The following SH3RF2 variants were observed in gnomAD, a reference collection of about 807,000 sequenced individuals.
SH3RF2 encodes E3 ubiquitin-protein ligase SH3RF2.
Under a neutral mutation model 59.0 loss-of-function variants are expected in SH3RF2, and 43 were observed. The ratio of observed to expected loss-of-function variants is 0.73; its 90% CI spans 0.57 to 0.94. The LOEUF (loss-of-function observed/expected upper bound fraction) is 0.94. Among genes scored for constraint, SH3RF2 ranks in the 40% least tolerant of loss-of-function variants. The pLI, the probability that SH3RF2 is intolerant of heterozygous loss-of-function variation, is 0.00. For missense variants in SH3RF2, 930 were observed against 940.1 expected (o/e 0.99, Z 0.14); for synonymous variants, 391 against 391.5 (o/e 1.00, Z 0.01).
At chr5:145,969,051 TCC>T (rs1450762357) in intron 2 of SH3RF2, among the ~76,000 whole-genome samples, 1 of 152,156 alleles carries the variant, frequency 6.6e-6, no homozygotes, top group Admixed American at 6.5e-5. Flanking sequence ...GCTTCTCAGG[TCC>T]CACCAGATAA....
intron 8 of SH3RF2, among the ~76,000 whole-genome samples, chr5:146,056,489 C>A (rs1762676538): frequency 6.6e-6 from 1 of 152,196 alleles, no homozygotes; most frequent in African/African-American, 2.4e-5. Flanking sequence ...AACGTGGACA[C>A]TGGCTCTTAT....
intron 2 of SH3RF2, among the ~76,000 whole-genome samples, chr5:145,963,302 A>G (rs1472311015): frequency 6.6e-6 from 1 of 152,074 alleles, no homozygotes; most frequent in Non-Finnish European, 1.5e-5. Flanking sequence ...ATAACTATAC[A>G]TTTATAGAGG....
At chr5:145,964,765 G>C (rs1476052062) in intron 2 of SH3RF2, among the ~76,000 whole-genome samples, 1 of 152,082 alleles carries the variant, frequency 6.6e-6, no homozygotes, top group Non-Finnish European at 1.5e-5. Context: ...ATCCACCACA[G>C]GGCTCCCTTT....
intron 5 of SH3RF2, among the ~76,000 whole-genome samples, chr5:146,032,551 G>A (rs1410724285): frequency 6.6e-6 from 1 of 152,132 alleles, no homozygotes; most frequent in Non-Finnish European, 1.5e-5. Context: ...TATTACATAG[G>A]AGGCAGCAAT....
chr5:146,056,205 T>A lies in SH3RF2; in HGVS notation c.1547T>A (p.Met516Lys). 1.9e-6 allele frequency: 3 copies of A among 1,614,062 alleles called. No individual in the cohort carries two copies. Among genetic ancestry groups the A allele is most frequent in the Non-Finnish European group, 2.5e-6 (3 of 1,180,004 alleles). Residue 516 changes from methionine (M) to lysine (K), a missense_variant, in exon 8 of 10, where the codon ATG becomes AAG. Coordinates refer to ENST00000359120, the MANE Select transcript of SH3RF2 (RefSeq NM_152550.4). The part of the protein sequence containing the change: ...QGSLRKGRSS[M>K]RKNGSLQRPL... ...TCTCTTCGGAAAGGGCGGAGCAGCA[T>A]GAGAAAGAGTAAGTGGTGGCAGAGA...
At chr5:145,995,657 G>C (rs1041223595) in intron 2 of SH3RF2, among the ~76,000 whole-genome samples, 1 of 152,082 alleles carries the variant, frequency 6.6e-6, no homozygotes, top group Non-Finnish European at 1.5e-5. Flanking sequence ...AAAAGTTAGA[G>C]AACACAGCTA....
rs1389190397 is a variant in SH3RF2, at chr5:146,058,872, A to T, written c.1556-994A>T. Among the ~76,000 whole-genome samples the T allele has an allele frequency of 1.1e-4, 8 of 73,060 alleles. No homozygotes were observed. In the South Asian group the frequency reaches 1.4e-3, roughly 13 times the overall value. The allele number at this position is 73,060 out of a possible 152,430, so 47.9% of individuals were successfully genotyped here. A position where few individuals can be genotyped will look rare whatever the true frequency, so the allele number is the denominator to read the frequency against. On this transcript the variant is annotated intron_variant, in intron 8 of 9. Coordinates refer to ENST00000359120, the MANE Select transcript of SH3RF2 (RefSeq NM_152550.4). ...TCCTGAGACAGGACCATCTCAATTT[A>T]AAAAAAAAAAAAAAAGGAAAAGAAA...
At chr5:146,019,981 A>G (rs1010178809) in intron 5 of SH3RF2, among the ~76,000 whole-genome samples, 8 of 152,154 alleles carry the variant, frequency 5.3e-5, no homozygotes, top group African/African-American at 1.7e-4. Flanking sequence ...TACTGAATTC[A>G]TTGATACATC....
intron 5 of SH3RF2, among the ~76,000 whole-genome samples, chr5:146,034,523 C>T (rs1761859072): frequency 6.6e-6 from 1 of 152,194 alleles, no homozygotes; most frequent in Non-Finnish European, 1.5e-5. Context: ...GAAACACATG[C>T]CCTTTTCACT....
chr5:145,986,780 A>G (rs1233921809), intron 2 of SH3RF2, among the ~76,000 whole-genome samples: 1 of 152,186 alleles, frequency 6.6e-6, no homozygotes, highest in Non-Finnish European at 1.5e-5. Flanking sequence ...CACCTCAAAG[A>G]AATCTCAGGG....
At chr5:146,079,625 A>G (rs1329084831) in exon 10 of SH3RF2, 4 of 152,234 alleles carry the variant, frequency 2.6e-5, no homozygotes, top group Non-Finnish European at 4.4e-5. Flanking sequence ...TGAGCAGAGT[A>G]AGGATTGCAT....
intron 8 of SH3RF2, among the ~76,000 whole-genome samples, chr5:146,059,561 CGTGT>C (rs144618502): frequency 4.7e-4 from 71 of 150,806 alleles, no homozygotes; most frequent in Admixed American, 1.3e-3. Context: ...TGTGTGTGTG[CGTGT>C]GTGTGTGTGT....
At chr5:146,048,212 G>A (rs992803362) in intron 6 of SH3RF2, among the ~76,000 whole-genome samples, 3 of 151,942 alleles carry the variant, frequency 2.0e-5, no homozygotes, top group African/African-American at 7.3e-5. Context: ...CTACTTAGGA[G>A]GCTGAGGCAG....
chr5:145,944,067 G>A (rs549742827), intron 2 of SH3RF2, among the ~76,000 whole-genome samples: 1 of 152,220 alleles, frequency 6.6e-6, no homozygotes, highest in East Asian at 1.9e-4. Flanking sequence ...GCTTAGCTGG[G>A]ACCAGCTCAG....
chr5:145,998,706 A>T (rs1760268998), intron 2 of SH3RF2, among the ~76,000 whole-genome samples: 1 of 152,114 alleles, frequency 6.6e-6, no homozygotes. Context: ...AGGTCAGGAG[A>T]TCGAGACCAT....
intron 8 of SH3RF2, among the ~76,000 whole-genome samples, chr5:146,059,649 C>T (rs1580938559): frequency 1.3e-5 from 2 of 152,210 alleles, no homozygotes; most frequent in South Asian, 2.1e-4. Context: ...CACTCACACA[C>T]ACCATTCAGC....
intron 5 of SH3RF2, among the ~76,000 whole-genome samples, chr5:146,021,108 T>A (rs1417328480): frequency 6.6e-6 from 1 of 152,158 alleles, no homozygotes; most frequent in Non-Finnish European, 1.5e-5. Flanking sequence ...AACTTTATGG[T>A]TCTCAGGGCT....
chr5:146,054,493 A>G (rs914894930), intron 7 of SH3RF2, among the ~76,000 whole-genome samples: 1 of 152,218 alleles, frequency 6.6e-6, no homozygotes, highest in Non-Finnish European at 1.5e-5. Context: ...ATGGAAGCCA[A>G]TGCTGGAGAT....
intron 5 of SH3RF2, among the ~76,000 whole-genome samples, chr5:146,041,493 C>T (rs1164970745): frequency 2.0e-5 from 3 of 152,234 alleles, no homozygotes; most frequent in Non-Finnish European, 4.4e-5. Flanking sequence ...AAGGTCCACA[C>T]ACAGCAATTA....
Sources: gnomAD v4.1 joint callset for allele counts (sites outside exome capture counted in the v4.1 genomes callset) on GRCh38, gnomAD v4.1.1 for gene constraint, MANE v1.5 for transcripts, NCBI Gene and HGNC (gene_info 2026-07-23, HGNC 2026-07-21) for gene names.